The following DAB1 variants were observed in gnomAD, a reference collection of about 807,000 sequenced individuals.
DAB1 encodes disabled homolog 1.
In DAB1, 15 loss-of-function variants were observed where a neutral mutation model predicts 64.6. The observed-to-expected ratio is 0.23, with a 90% CI of 0.16 to 0.36. DAB1 has a LOEUF of 0.36. Among genes scored for constraint, DAB1 ranks in the 10% least tolerant of loss-of-function variants. The pLI is 1.00. For synonymous variants in DAB1, 235 were observed against 251.9 expected (o/e 0.93, Z 0.64); for missense variants, 596 against 706.7 (o/e 0.84, Z 1.78).
At chr1:57,677,050 C>T (rs529181828) in intron 6 of DAB1, among the ~76,000 whole-genome samples, 107 of 152,192 alleles carry the variant, frequency 7.0e-4, no homozygotes, top group Middle Eastern at 3.4e-3. Context: ...AAGGGTGGGG[C>T]ACTGATTTGA....
chr1:58,057,932 A>G (rs1648241158), intron 5 of DAB1, among the ~76,000 whole-genome samples: 1 of 151,810 alleles, frequency 6.6e-6, no homozygotes, highest in Non-Finnish European at 1.5e-5. Context: ...GTGCTACCTT[A>G]TCTTGAGACC....
intron 5 of DAB1, among the ~76,000 whole-genome samples, chr1:58,106,824 TTCCCTCCCTCCCTCCTTCATCCC>T (rs1651669320): frequency 6.6e-6 from 1 of 150,578 alleles, no homozygotes; most frequent in Non-Finnish European, 1.5e-5. Context: ...ATAAATTGCC[TTCCCTCCCTCCCTCCTTCATCCC>T]TCCCTCCCTC....
At chr1:57,558,757 C>T (rs917683891) in intron 7 of DAB1, among the ~76,000 whole-genome samples, 1 of 152,020 alleles carries the variant, frequency 6.6e-6, no homozygotes, top group Non-Finnish European at 1.5e-5. Flanking sequence ...TAAAAGATGG[C>T]CCATTGTGAG....
intron 5 of DAB1, among the ~76,000 whole-genome samples, chr1:58,033,312 T>C (rs193281747): frequency 4.7e-4 from 72 of 152,292 alleles, no homozygotes; most frequent in African/African-American, 1.6e-3. Context: ...ACTCTCACTG[T>C]CTGGATTGTA....
intron 1 of DAB1, among the ~76,000 whole-genome samples, chr1:57,326,075 C>T (rs979385793): frequency 6.6e-5 from 10 of 152,314 alleles, no homozygotes; most frequent in Middle Eastern, 3.4e-3. Context: ...GGCATAGACA[C>T]GATGAAAAGG....
rs761631368 is a variant in DAB1 at position 58,534,023 on chromosome 1, C to A, written n.33-6688G>T. 4 of 871,368 alleles carry A rather than the reference C, an allele frequency of 4.6e-6. No individual in the cohort carries two copies. In the African/African-American group the frequency reaches 6.5e-5, roughly 14 times the overall value. 54.0% of individuals were successfully genotyped at this position (871,368 alleles called of 1,614,324 possible). On this transcript the variant is annotated intron_variant and non_coding_transcript_variant, in intron 1 of 20. Transcript: ENST00000485760. ...AGAAAGTTGATGAATATCGGTTACA[C>A]TATTTAAAAATCCAGTGAAAACAAA...
At chr1:57,918,215 C>G (rs1308413786) in intron 5 of DAB1, among the ~76,000 whole-genome samples, 2 of 151,948 alleles carry the variant, frequency 1.3e-5, no homozygotes, top group Non-Finnish European at 2.9e-5. Flanking sequence ...AATGTATAAG[C>G]AAATAGGCAT....
At chr1:58,314,291 T>G (rs1662501003) in intron 4 of DAB1, among the ~76,000 whole-genome samples, 1 of 152,192 alleles carries the variant, frequency 6.6e-6, no homozygotes, top group Non-Finnish European at 1.5e-5. Context: ...TGTTCTGATC[T>G]ACCTGATTCC....
intron 3 of DAB1, among the ~76,000 whole-genome samples, chr1:58,445,959 T>TG (rs1255624750): frequency 6.6e-6 from 1 of 152,154 alleles, no homozygotes; most frequent in African/African-American, 2.4e-5. Context: ...CCAGGAGTCA[T>TG]GGTCTATTAG....
intron 1 of DAB1, among the ~76,000 whole-genome samples, chr1:57,330,856 C>A (rs1241438712): frequency 6.6e-6 from 1 of 152,058 alleles, no homozygotes; most frequent in Non-Finnish European, 1.5e-5. Context: ...CAGCTTGACC[C>A]CTGCTTAGCA....
intron 4 of DAB1, among the ~76,000 whole-genome samples, chr1:58,161,863 T>G (rs1038176666): frequency 6.6e-6 from 1 of 152,126 alleles, no homozygotes; most frequent in African/African-American, 2.4e-5. Context: ...TGGAGACCCA[T>G]TTAAGGCTTT....
chr1:57,550,052 T>A (rs17115987), intron 7 of DAB1, among the ~76,000 whole-genome samples: 1 of 152,274 alleles, frequency 6.6e-6, no homozygotes, highest in South Asian at 2.1e-4. Flanking sequence ...CAGAGATATG[T>A]ATAGCTTGAC....
chr1:57,757,853 G>A (rs1648890670), intron 6 of DAB1, among the ~76,000 whole-genome samples: 2 of 152,254 alleles, frequency 1.3e-5, no homozygotes, highest in South Asian at 4.1e-4. Context: ...GTCTTGCTGT[G>A]TTGCCCAGGC....
At chr1:58,431,558 GAAAAAAAAA>G (rs66832530) in intron 3 of DAB1, among the ~76,000 whole-genome samples, 2 of 76,280 alleles carry the variant, frequency 2.6e-5, no homozygotes, top group East Asian at 7.6e-4. Context: ...ACTCCATCTG[GAAAAAAAAA>G]AAAAAAAAAA....
chr1:57,843,466 T>A (rs1247498937), intron 1 of DAB1, among the ~76,000 whole-genome samples: 1 of 152,172 alleles, frequency 6.6e-6, no homozygotes, highest in Non-Finnish European at 1.5e-5. Flanking sequence ...GGGGTTACCA[T>A]GAGACTTATG....
chr1:57,049,450 C>CAAAAA lies in DAB1; in HGVS notation c.723+13429_723+13433dup, dbSNP rs574438911. ...TGGGCAACAGAGCAAGACTCCGTCT[C>CAAAAA]AAAAAAAAAAAAAAAAAAAAAAAAA... On this transcript the variant is annotated intron_variant, in intron 9 of 14. Transcript: ENST00000371236. 1.5e-3 allele frequency among the ~76,000 whole-genome samples: 38 copies of CAAAAA among 24,582 alleles called. 1 individual carries two copies. Among genetic ancestry groups the CAAAAA allele is most frequent in the Middle Eastern group, 0.036 (1 of 28 alleles). 16.1% of individuals were successfully genotyped at this position (24,582 alleles called of 152,430 possible). A position where few individuals can be genotyped will look rare whatever the true frequency, so the allele number is the denominator to read the frequency against.
chr1:57,770,684 GT>G (rs1424963385), intron 6 of DAB1, among the ~76,000 whole-genome samples: 1 of 151,974 alleles, frequency 6.6e-6, no homozygotes, highest in Non-Finnish European at 1.5e-5. Context: ...TCTAATACAA[GT>G]TTAATAATAA....
rs545743407 is a variant in DAB1, at chr1:57,461,943, CTTTTTTT to C, written n.626-170784_626-170778del. ...GAATACATAAAGGATAAGATATACTCTTTTTTTTTTTTTTTTTTTTTTTTTTTTACAC... is the reference window on the plus strand; with the variant it reads ...GAATACATAAAGGATAAGATATACTCTTTTTTTTTTTTTTTTTTTTTACAC... On this transcript the variant is annotated intron_variant and non_coding_transcript_variant, in intron 7 of 20. Coordinates refer to the DAB1 transcript ENST00000485760. 1.2e-4 allele frequency among the ~76,000 whole-genome samples: 12 copies of C among 100,342 alleles called. No individual in the cohort carries two copies. In the East Asian group the frequency reaches 2.1e-3, roughly 18 times the overall value. The allele number at this position is 100,342 out of a possible 152,430, so 65.8% of individuals were successfully genotyped here.
chr1:58,279,842 A>G (rs1046259165), intron 4 of DAB1, among the ~76,000 whole-genome samples: 4 of 152,150 alleles, frequency 2.6e-5, no homozygotes, highest in Non-Finnish European at 5.9e-5. Context: ...GAAGAGATCT[A>G]ACCTTCAAAT....
Sources: allele counts gnomAD v4.1 joint callset (sites outside exome capture counted in the v4.1 genomes callset), GRCh38; gene constraint gnomAD v4.1.1; transcripts MANE v1.5; gene names NCBI Gene and HGNC (gene_info 2026-07-23, HGNC 2026-07-21).